The following AVEN variants were observed in gnomAD, a reference collection of about 807,000 sequenced individuals.
AVEN encodes apoptosis and caspase activation inhibitor.
AVEN carries 41 observed loss-of-function variants against 38.1 expected under a neutral mutation model. That is an observed-to-expected ratio of 1.08 (90% CI 0.84 to 1.40). AVEN has a LOEUF of 1.40. AVEN is among the 40% of genes most tolerant of loss of function. The pLI is 0.00. For missense variants in AVEN, 605 were observed against 438.8 expected (o/e 1.38, Z -3.38); for synonymous variants, 206 against 171.8 (o/e 1.20, Z -1.56).
chr15:33,927,984 G>A (rs1383182617), intron 2 of AVEN, among the ~76,000 whole-genome samples: 1 of 152,180 alleles, frequency 6.6e-6, no homozygotes, highest in Non-Finnish European at 1.5e-5. Context: ...AGAGCTTACT[G>A]TGTGTCCTAC....
downstream of AVEN, among the ~76,000 whole-genome samples, chr15:33,862,823 C>G (rs1452693447): frequency 2.0e-5 from 3 of 152,072 alleles, no homozygotes; most frequent in Non-Finnish European, 4.4e-5. Context: ...GTTGGCCAAG[C>G]TGGTCTCAAA....
At chr15:34,046,343 G>A (rs2684947) in intron 5 of AVEN, among the ~76,000 whole-genome samples, 26 of 141,404 alleles carry the variant, frequency 1.8e-4, no homozygotes, top group South Asian at 4.4e-4. Flanking sequence ...AGTGAGGCAG[G>A]AAAAAAAAAA....
intron 2 of AVEN, chr15:33,885,761 C>CT (rs570122526): frequency 3.6e-4 from 55 of 152,268 alleles, no homozygotes; most frequent in African/African-American, 1.3e-3. Context: ...GCCAAATACA[C>CT]TAAGGTACCT....
chr15:33,954,434 A>C (rs1279786862), intron 2 of AVEN, among the ~76,000 whole-genome samples: 1 of 152,212 alleles, frequency 6.6e-6, no homozygotes, highest in African/African-American at 2.4e-5. Flanking sequence ...TGGATGAAGA[A>C]AATGTGGCAC....
At chr15:34,018,800 G>A (rs899716333) in intron 1 of AVEN, among the ~76,000 whole-genome samples, 1 of 152,168 alleles carries the variant, frequency 6.6e-6, no homozygotes, top group Non-Finnish European at 1.5e-5. Flanking sequence ...GCTGATTGGT[G>A]CATTTACAAT....
At chr15:33,930,329 G>A (rs1483557208) in intron 2 of AVEN, among the ~76,000 whole-genome samples, 1 of 102,422 alleles carries the variant, frequency 9.8e-6, no homozygotes, top group South Asian at 4.5e-4. Context: ...ATTATTTTGA[G>A]TCCATCTAGG....
chr15:33,869,417 G>A (rs1283250048), intron 4 of AVEN, among the ~76,000 whole-genome samples: 1 of 152,124 alleles, frequency 6.6e-6, no homozygotes, highest in Non-Finnish European at 1.5e-5. Context: ...TCTCTGTCCT[G>A]AGTCCTGAAT....
At chr15:33,959,814 A>C (rs768706604) in intron 2 of AVEN, among the ~76,000 whole-genome samples, 1 of 152,258 alleles carries the variant, frequency 6.6e-6, no homozygotes, top group Non-Finnish European at 1.5e-5. Context: ...TACAACATGG[A>C]ATGTGACAAC....
chr15:33,944,899 T>C (rs1055663010), intron 2 of AVEN, among the ~76,000 whole-genome samples: 2 of 151,840 alleles, frequency 1.3e-5, no homozygotes, highest in Admixed American at 6.6e-5. Context: ...AAAGCAGATA[T>C]ATAGAAAGTC....
intron 2 of AVEN, among the ~76,000 whole-genome samples, chr15:33,985,705 GT>G (rs1294130391): frequency 6.6e-6 from 1 of 152,028 alleles, no homozygotes; most frequent in East Asian, 1.9e-4. Context: ...ATTCCTTAGT[GT>G]TTGGTAAGTA....
intron 5 of AVEN, among the ~76,000 whole-genome samples, chr15:34,059,993 G>T (rs1900283192): frequency 1.3e-5 from 2 of 149,720 alleles, no homozygotes; most frequent in Non-Finnish European, 2.9e-5. Flanking sequence ...GAGGAAGGAA[G>T]AAAAGAAAGA....
upstream of AVEN, among the ~76,000 whole-genome samples, chr15:34,075,181 C>CAAAAAAAAAAAAAAAAAAAA (rs58860397): frequency 1.5e-5 from 1 of 67,294 alleles, no homozygotes; most frequent in African/African-American, 5.4e-5. Flanking sequence ...GACTCTGGCT[C>CAAAAAAAAAAAAAAAAAAAA]AAAAAAAAAA....
At chr15:33,862,238 G>A (rs544841031), downstream of AVEN, among the ~76,000 whole-genome samples, 4 of 152,246 alleles carry the variant, frequency 2.6e-5, no homozygotes, top group African/African-American at 9.6e-5. Context: ...GATAGATAGG[G>A]TCTCAACCCC....
At chr15:33,991,637 G>C (rs1205253867) in intron 2 of AVEN, 1 of 152,072 alleles carries the variant, frequency 6.6e-6, no homozygotes, top group Non-Finnish European at 1.5e-5. Flanking sequence ...TCAAATCATG[G>C]GGAAATAAAA....
chr15:33,948,952 C>T lies in AVEN; in HGVS notation c.445+54080G>A, dbSNP rs150243485. Among the ~76,000 whole-genome samples, 603 of 152,242 alleles carry T rather than the reference C, an allele frequency of 4.0e-3. 3 individuals carry two copies. Among genetic ancestry groups the T allele is most frequent in the African/African-American group, 0.014 (586 of 41,534 alleles). On this transcript the variant is annotated intron_variant, in intron 2 of 5. Transcript: ENST00000306730. Reference sequence around the variant, plus strand: ...CCTCCCAAAGTGCTGGGATTACAGGCGTGAGCCACCGTGCCTGGCTGACTT... The same window carrying T: ...CCTCCCAAAGTGCTGGGATTACAGGTGTGAGCCACCGTGCCTGGCTGACTT...
intron 2 of AVEN, among the ~76,000 whole-genome samples, chr15:33,969,365 T>C (rs1044217691): frequency 6.6e-6 from 1 of 152,004 alleles, no homozygotes; most frequent in East Asian, 1.9e-4. Context: ...TCATTTTTCA[T>C]TGAATTTGTC....
At chr15:33,878,370 TTAGATATCG>T (rs1891339780) in intron 2 of AVEN, among the ~76,000 whole-genome samples, 1 of 152,152 alleles carries the variant, frequency 6.6e-6, no homozygotes, top group Admixed American at 6.5e-5. Flanking sequence ...ATATGGAAAC[TTAGATATCG>T]TAAGAGCGGC....
chr15:33,888,769 T>A (rs137860240), intron 2 of AVEN, among the ~76,000 whole-genome samples: 5 of 152,298 alleles, frequency 3.3e-5, no homozygotes, highest in African/African-American at 1.2e-4. Context: ...TGTGTGTGTG[T>A]GAGATGGAGT....
intron 2 of AVEN, among the ~76,000 whole-genome samples, chr15:33,927,657 G>A (rs548813925): frequency 6.6e-6 from 1 of 152,230 alleles, no homozygotes; most frequent in South Asian, 2.1e-4. Flanking sequence ...ATGGTCACAT[G>A]TTTCTGTAGA....
Sources: allele counts gnomAD v4.1 joint callset (sites outside exome capture counted in the v4.1 genomes callset), GRCh38; gene constraint gnomAD v4.1.1; transcripts MANE v1.5; gene names NCBI Gene and HGNC (gene_info 2026-07-23, HGNC 2026-07-21).